The following B3GALNT2 variants were observed in gnomAD, a reference collection of about 807,000 sequenced individuals.
B3GALNT2 encodes UDP-GalNAc:beta-1,3-N-acetylgalactosaminyltransferase 2.
B3GALNT2 carries 53 observed loss-of-function variants against 61.1 expected under a neutral mutation model. That is an observed-to-expected ratio of 0.87 (90% CI 0.70 to 1.09). B3GALNT2 has a LOEUF of 1.09. Among genes scored for constraint, B3GALNT2 ranks in the 50% least tolerant of loss-of-function variants. The pLI is 0.00. For synonymous variants in B3GALNT2, 223 were observed against 237.4 expected (o/e 0.94, Z 0.56); for missense variants, 544 against 623.0 (o/e 0.87, Z 1.35).
intron 4 of B3GALNT2, among the ~76,000 whole-genome samples, chr1:235,480,873 T>C (rs1684527524): frequency 8.9e-6 from 1 of 112,676 alleles, no homozygotes; most frequent in African/African-American, 3.5e-5. Flanking sequence ...ACCACTGCAC[T>C]CCAGCCTGGA....
intron 1 of B3GALNT2, 38 bp downstream of exon 1, chr1:235,504,103 C>A (rs866235710): frequency 9.1e-6 from 11 of 1,209,184 alleles, no homozygotes; most frequent in South Asian, 4.1e-5. Flanking sequence ...CTCCCACCCC[C>A]CCGGCGGCCG....
At chr1:235,475,234 T>TG (rs1684219296) in intron 5 of B3GALNT2, among the ~76,000 whole-genome samples, 1 of 151,712 alleles carries the variant, frequency 6.6e-6, no homozygotes, top group South Asian at 2.1e-4. Flanking sequence ...CCTGACCTCA[T>TG]GATCCACCCG....
In B3GALNT2 at chr1:235,450,002, T is replaced by C. The variant is rs181993261; in HGVS notation, c.*204A>G. On this transcript the variant is annotated 3_prime_UTR_variant, in exon 12 of 12. Coordinates refer to ENST00000366600, the MANE Select transcript of B3GALNT2 (RefSeq NM_152490.5). ...ATCTTCCAATAGATAAATAAAAACT[T>C]TTCTTATGCTACAGTACAAGTTGAT... is the stretch of plus-strand genomic sequence containing the variant. 1 of 451,006 alleles carries C rather than the reference T, an allele frequency of 2.2e-6. No individual in the cohort carries two copies. Among genetic ancestry groups the C allele is most frequent in the Admixed American group, 3.9e-5 (1 of 25,324 alleles). The allele number at this position is 451,006 out of a possible 1,614,324, so 27.9% of individuals were successfully genotyped here. A position where few individuals can be genotyped will look rare whatever the true frequency, so the allele number is the denominator to read the frequency against.
At chr1:235,495,216 G>A (rs964536166) in intron 1 of B3GALNT2, among the ~76,000 whole-genome samples, 2 of 152,092 alleles carry the variant, frequency 1.3e-5, no homozygotes, top group Non-Finnish European at 2.9e-5. Flanking sequence ...TTAGCTTCTT[G>A]AGCCTCAGTT....
chr1:235,468,839 T>A (rs1399656028), intron 6 of B3GALNT2, among the ~76,000 whole-genome samples: 1 of 152,186 alleles, frequency 6.6e-6, no homozygotes, highest in African/African-American at 2.4e-5. Context: ...GGAGGCAAGA[T>A]AATAAGGAAA....
At chr1:235,485,494 TG>T (rs1463795721) in intron 3 of B3GALNT2, among the ~76,000 whole-genome samples, 1 of 152,072 alleles carries the variant, frequency 6.6e-6, no homozygotes, top group Non-Finnish European at 1.5e-5. Flanking sequence ...TTTGTAGAGA[TG>T]GGGGTCTCAT....
chr1:235,443,969 T>G (rs1249442724), downstream of B3GALNT2, among the ~76,000 whole-genome samples: 2 of 152,244 alleles, frequency 1.3e-5, no homozygotes, highest in Admixed American at 6.5e-5. Context: ...AAGATTAAAC[T>G]TGATTCATAG....
chr1:235,479,126 G>A (rs1041226141), intron 5 of B3GALNT2: 1 of 152,132 alleles, frequency 6.6e-6, no homozygotes, highest in Non-Finnish European at 1.5e-5. Context: ...CAATTCCAAA[G>A]ACCCATAGTA....
At chr1:235,484,764 T>G (rs983763217) in intron 3 of B3GALNT2, 52 of 554,712 alleles carry the variant, frequency 9.4e-5, no homozygotes, top group Non-Finnish European at 1.4e-4. Context: ...AATAGCTTTT[T>G]GCATAAATGT....
chr1:235,450,223 G>A lies in B3GALNT2; in HGVS notation c.1486C>T (p.Arg496Ter), dbSNP rs151155734. 4.6e-5 allele frequency: 74 copies of A among 1,613,990 alleles called. No homozygotes were observed. Among genetic ancestry groups the A allele is most frequent in the Non-Finnish European group, 5.6e-5 (66 of 1,179,978 alleles). Reference protein sequence around the residue: ...KLKERCGDPCRCQAR With the variant: ...KLKERCGDPC Reference sequence around the variant, plus strand: ...AGTCCCTGTTATCTTGCTTGACATCGACAAGGATCACCGCACCGTTCCTTC... The same window carrying A: ...AGTCCCTGTTATCTTGCTTGACATCAACAAGGATCACCGCACCGTTCCTTC... The change falls in exon 12 of 12, where the codon CGA (arginine) becomes TGA (stop). Residue 496 changes from arginine (R) to a stop codon, truncating the protein, a stop_gained. Transcript: ENST00000366600. LOFTEE classifies it high-confidence loss of function.
At chr1:235,442,230 G>A (rs1681937886), downstream of B3GALNT2, among the ~76,000 whole-genome samples, 1 of 152,120 alleles carries the variant, frequency 6.6e-6, no homozygotes, top group African/African-American at 2.4e-5. Flanking sequence ...GAGTGCAGTG[G>A]CACGATCTTG....
downstream of B3GALNT2, among the ~76,000 whole-genome samples, chr1:235,446,601 G>A (rs1178323153): frequency 6.6e-6 from 1 of 151,774 alleles, no homozygotes; most frequent in African/African-American, 2.4e-5. Context: ...TTTTCTGAAT[G>A]TTAAGACAGT....
Position 235,448,220 on chromosome 1 carries a change from CAAAAAAAA to C in B3GALNT2, c.*1978_*1985del. 1 of 527,200 alleles carries C rather than the reference CAAAAAAAA, an allele frequency of 1.9e-6. No homozygotes were observed. The highest frequency in any genetic ancestry group is 3.3e-6 in the Non-Finnish European group (1 of 304,240). The allele number at this position is 527,200 out of a possible 1,614,324, so 32.7% of individuals were successfully genotyped here. Reference sequence around the variant, plus strand: ...CTTAAGTAAGTAAGTAAGTCAGTCTCAAAAAAAAAAAAAAAAAAAAGACAGATACAGCT... The same window carrying C: ...CTTAAGTAAGTAAGTAAGTCAGTCTCAAAAAAAAAAAAGACAGATACAGCT... On this transcript the variant is annotated 3_prime_UTR_variant, in exon 12 of 12. Coordinates refer to ENST00000366600, the MANE Select transcript of B3GALNT2 (RefSeq NM_152490.5).
At chr1:235,477,947 C>T (rs995661464) in intron 5 of B3GALNT2, among the ~76,000 whole-genome samples, 5 of 152,194 alleles carry the variant, frequency 3.3e-5, no homozygotes, top group Admixed American at 1.3e-4. Context: ...TGGTGTAGCA[C>T]CTTCATCTTA....
At chr1:235,447,093 G>A (rs1180132983), downstream of B3GALNT2, among the ~76,000 whole-genome samples, 1 of 152,176 alleles carries the variant, frequency 6.6e-6, no homozygotes, top group African/African-American at 2.4e-5. Flanking sequence ...AACAATGAAA[G>A]CCAGTCCGTC....
At chr1:235,488,802 C>A (rs181163594) in intron 3 of B3GALNT2, among the ~76,000 whole-genome samples, 3 of 151,368 alleles carry the variant, frequency 2.0e-5, no homozygotes, top group Admixed American at 2.0e-4. Context: ...GCCTGCAATC[C>A]CAGTGCTTTG....
At chr1:235,443,671 C>A (rs935281123), downstream of B3GALNT2, among the ~76,000 whole-genome samples, 5 of 152,130 alleles carry the variant, frequency 3.3e-5, no homozygotes, top group Non-Finnish European at 5.9e-5. Flanking sequence ...CAAATTCTTA[C>A]GGGAGGTTTG....
rs571175390 is a variant in B3GALNT2, at chr1:235,484,090, T to C, written c.555+232A>G. ...GGAATTTTAGGTTGGAGATTTCTAATCTAGTCAACTCCTTCTCTTCTAGAT... is the reference window on the plus strand; with the variant it reads ...GGAATTTTAGGTTGGAGATTTCTAACCTAGTCAACTCCTTCTCTTCTAGAT... On this transcript the variant is annotated intron_variant, in intron 4 of 11. Coordinates refer to ENST00000366600, the MANE Select transcript of B3GALNT2 (RefSeq NM_152490.5). Among the ~76,000 whole-genome samples the C allele has an allele frequency of 4.6e-5, 7 of 152,300 alleles. No individual in the cohort carries two copies. In the East Asian group the frequency reaches 1.3e-3, roughly 29 times the overall value.
At chr1:235,479,488 A>C (rs1684456071) in intron 5 of B3GALNT2, 2 of 153,118 alleles carry the variant, frequency 1.3e-5, no homozygotes, top group Non-Finnish European at 2.9e-5. Context: ...CTCCAGGACT[A>C]ATGAGGGCAC....
Sources: allele counts gnomAD v4.1 joint callset (sites outside exome capture counted in the v4.1 genomes callset), GRCh38; gene constraint gnomAD v4.1.1; transcripts MANE v1.5; gene names NCBI Gene and HGNC (gene_info 2026-07-23, HGNC 2026-07-21).